METTL16: variants seen among roughly 807,000 people sequenced by gnomAD.
METTL16 encodes the protein RNA N(6)-adenosine-methyltransferase METTL16.
Under a neutral mutation model 57.9 loss-of-function variants are expected in METTL16, and 19 were observed. That is an observed-to-expected ratio of 0.33 (90% CI 0.23 to 0.48). The LOEUF is 0.48. Ranked by LOEUF, METTL16 falls within the 20% of genes least tolerant of loss-of-function variation. The probability of loss-of-function intolerance (pLI) is 0.99; values close to 1 mark genes in which losing one functional copy is unlikely to be tolerated. For synonymous variants in METTL16, 246 were observed against 255.6 expected (o/e 0.96, Z 0.36); for missense variants, 434 against 691.5 (o/e 0.63, Z 4.18).
intron 8 of METTL16, among the ~76,000 whole-genome samples, chr17:2,427,835 T>C (rs990942254): frequency 6.6e-6 from 1 of 151,520 alleles, no homozygotes; most frequent in Non-Finnish European, 1.5e-5. Context: ...AAGTATATGC[T>C]GGGTACAGTG....
At position 2,426,030 on chromosome 17, in the gene METTL16, C is replaced by CAAA. The variant is rs71375599; in HGVS notation, c.889-5129_889-5127dup. ...ATGTCTCCGTTAATTATGGCTAAGG[C>CAAA]AAAAAAAAAAAAAAAAAGCCACAGG... On this transcript the variant is annotated intron_variant, in intron 8 of 9. Transcript: ENST00000263092. Among the ~76,000 whole-genome samples the CAAA allele has an allele frequency of 2.9e-3, 269 of 93,130 alleles. 8 individuals are homozygous for CAAA. The highest frequency in any genetic ancestry group is 9.1e-3 in the African/African-American group (239 of 26,274). 61.1% of individuals were successfully genotyped at this position (93,130 alleles called of 152,430 possible).
chr17:2,500,096 T>C (rs1283019388), intron 2 of METTL16, among the ~76,000 whole-genome samples: 2 of 152,144 alleles, frequency 1.3e-5, no homozygotes, highest in African/African-American at 2.4e-5. Context: ...CTAAGGATTA[T>C]CTGTCAGAAA....
chr17:2,430,026 C>A (rs546086251), intron 8 of METTL16, among the ~76,000 whole-genome samples: 2 of 151,604 alleles, frequency 1.3e-5, no homozygotes, highest in East Asian at 1.9e-4. Flanking sequence ...GTTGGCCAGG[C>A]TAGTCTCAAA....
chr17:2,474,633 T>C (rs9901080), intron 3 of METTL16, among the ~76,000 whole-genome samples: 4,166 of 152,226 alleles, frequency 0.027, 202 homozygotes, highest in African/African-American at 0.095. Flanking sequence ...ACCAAGAATA[T>C]TGTTTTTACA....
chr17:2,443,766 G>A (rs567302591), intron 6 of METTL16, among the ~76,000 whole-genome samples: 2 of 152,186 alleles, frequency 1.3e-5, no homozygotes, highest in Admixed American at 6.5e-5. Flanking sequence ...CCCGAAGTGC[G>A]GGGATTACAG....
chr17:2,502,470 G>C, intron 1 of METTL16, 139 bp from the exon 2 acceptor site: 3 of 683,088 alleles, frequency 4.4e-6, no homozygotes, highest in Admixed American at 5.3e-5. Flanking sequence ...AGGAGTTCAA[G>C]ACCATCCCAT....
At position 2,423,529 on chromosome 17, in the gene METTL16, A is replaced by G. The variant is rs1282783842; in HGVS notation, c.889-2625T>C. ...AATAAGCGTATTAAGCTGGGGAAGA[A>G]GCGTATTAAGCCGGTGTGTGGGAGG... On this transcript the variant is annotated intron_variant, in intron 8 of 9. Coordinates refer to ENST00000263092, the MANE Select transcript of METTL16 (RefSeq NM_024086.4). Among the ~76,000 whole-genome samples the G allele has an allele frequency of 2.0e-5, 3 of 152,192 alleles. No homozygotes were observed. In the East Asian group the frequency reaches 5.8e-4, roughly 29 times the overall value.
At chr17:2,441,699 A>T (rs181785446) in intron 6 of METTL16, 140 bp from the exon 7 acceptor site, 32 of 471,002 alleles carry the variant, frequency 6.8e-5, no homozygotes, top group Admixed American at 1.7e-4. Flanking sequence ...CAGGAATTAC[A>T]TACAATGTAT....
intron 8 of METTL16, among the ~76,000 whole-genome samples, chr17:2,433,473 G>C (rs1467217538): frequency 6.6e-6 from 1 of 152,160 alleles, no homozygotes; most frequent in Non-Finnish European, 1.5e-5. Context: ...CTGCTAGGAT[G>C]GTCCATAAGC....
At chr17:2,446,994 A>G (rs1228952768) in intron 6 of METTL16, among the ~76,000 whole-genome samples, 99 of 150,652 alleles carry the variant, frequency 6.6e-4, no homozygotes, top group Non-Finnish European at 8.7e-4. Context: ...GCCTCTGCCC[A>G]GCCGCCACCC....
At chr17:2,432,309 T>G (rs570288113) in intron 8 of METTL16, among the ~76,000 whole-genome samples, 2 of 152,308 alleles carry the variant, frequency 1.3e-5, no homozygotes, top group South Asian at 2.1e-4. Flanking sequence ...GGCTTATGCC[T>G]GTAATCCCAG....
At chr17:2,479,806 G>T (rs745563699) in intron 2 of METTL16, among the ~76,000 whole-genome samples, 1 of 152,120 alleles carries the variant, frequency 6.6e-6, no homozygotes, top group East Asian at 1.9e-4. Flanking sequence ...GAAGTTAGGA[G>T]ATCTGGACTC....
At position 2,477,111 on chromosome 17, in the gene METTL16, G is replaced by A. The variant is rs1358223517; in HGVS notation, c.328+575C>T. On this transcript the variant is annotated intron_variant, in intron 3 of 9. Transcript: ENST00000263092. Reference sequence around the variant, plus strand: ...AATCCCAGCACTTTGGGAAGCCAAGGCAGGTGGACTGCTTGAGCCCAGGAG... The same window carrying A: ...AATCCCAGCACTTTGGGAAGCCAAGACAGGTGGACTGCTTGAGCCCAGGAG... 2.0e-5 allele frequency among the ~76,000 whole-genome samples: 3 copies of A among 152,146 alleles called. No homozygotes were observed. In the East Asian group the frequency reaches 5.8e-4, roughly 29 times the overall value.
At chr17:2,443,641 G>A (rs2066970214) in intron 6 of METTL16, among the ~76,000 whole-genome samples, 1 of 151,530 alleles carries the variant, frequency 6.6e-6, no homozygotes, top group South Asian at 2.1e-4. Flanking sequence ...CGCCCACCAC[G>A]ACGCCCGGCT....
Position 2,438,192 on chromosome 17 carries a change from T to C in METTL16, c.805A>G (p.Lys269Glu), listed in dbSNP as rs2066922110. Residue 269 changes from lysine (K) to glutamate (E), a missense_variant, in exon 8 of 10, where the codon AAA (lysine) becomes GAA (glutamate). By Grantham distance (56) the Lys-to-Glu change is moderately conservative. Transcript: ENST00000263092. ...TGACAGAATTCAGTGTACGTTACTT[T>C]GGGAACCTGAAACCAACAAAGACAG... ...KEELRIQGVP[K>E]VTYTEFCQGR... The C allele has an allele frequency of 6.2e-7, 1 of 1,613,282 alleles. No homozygotes were observed. Among genetic ancestry groups the C allele is most frequent in the African/African-American group, 1.3e-5 (1 of 74,932 alleles).
rs1032581972 is a variant in METTL16, at chr17:2,450,726, T to G, written c.729-9167A>C. Among the ~76,000 whole-genome samples, 6 of 152,222 alleles carry G rather than the reference T, an allele frequency of 3.9e-5. 1 individual carries two copies. Among genetic ancestry groups the G allele is most frequent in the African/African-American group, 1.4e-4 (6 of 41,468 alleles). ...ATATTCTGTCTCCTGCTTTTCTCAC[T>G]AAGCATTATAATCAACCTGTGTCAT... On this transcript the variant is annotated intron_variant, in intron 6 of 9. Coordinates refer to ENST00000263092, the MANE Select transcript of METTL16 (RefSeq NM_024086.4).
chr17:2,502,450 C>T, intron 1 of METTL16, 119 bp from the exon 2 acceptor site: 1 of 847,822 alleles, frequency 1.2e-6, no homozygotes, highest in African/African-American at 1.7e-5. Flanking sequence ...GTAAGTAGAT[C>T]ACCTGATTCA....
At chr17:2,457,579 G>A (rs1400125132) in intron 6 of METTL16, among the ~76,000 whole-genome samples, 8 of 151,570 alleles carry the variant, frequency 5.3e-5, no homozygotes, top group African/African-American at 1.5e-4. Context: ...ATGGTGGCGC[G>A]TGCCTTTAAT....
chr17:2,456,677 C>G (rs1265834563), intron 6 of METTL16, among the ~76,000 whole-genome samples: 1 of 152,186 alleles, frequency 6.6e-6, no homozygotes, highest in African/African-American at 2.4e-5. Context: ...CTATGTTGCC[C>G]AGGCTGGTCT....
Sources: gnomAD v4.1 joint callset for allele counts (sites outside exome capture counted in the v4.1 genomes callset) on GRCh38, gnomAD v4.1.1 for gene constraint, MANE v1.5 for transcripts, NCBI Gene and HGNC (gene_info 2026-07-23, HGNC 2026-07-21) for gene names.